SPOCK3: variants seen among roughly 807,000 people sequenced by gnomAD.
The protein encoded by SPOCK3 is SPARC (osteonectin), cwcv and kazal like domains proteoglycan 3.
In SPOCK3, 30 loss-of-function variants were observed where a neutral mutation model predicts 56.6. The ratio of observed to expected loss-of-function variants is 0.53; its 90% CI spans 0.40 to 0.72. The LOEUF is 0.72. SPOCK3 is among the 30% of genes least tolerant of loss of function. SPOCK3 has a pLI of 0.00. For synonymous variants in SPOCK3, 196 were observed against 183.3 expected (o/e 1.07, Z -0.56); for missense variants, 527 against 530.0 (o/e 0.99, Z 0.06).
chr4:167,150,919 A>G (rs1390460600), intron 2 of SPOCK3, among the ~76,000 whole-genome samples: 1 of 152,164 alleles, frequency 6.6e-6, no homozygotes, highest in Non-Finnish European at 1.5e-5. Context: ...AATGATAAGC[A>G]TGTCCTTTAT....
intron 8 of SPOCK3, among the ~76,000 whole-genome samples, chr4:166,750,974 C>T (rs3828018): frequency 0.33 from 49,676 of 151,912 alleles, 8,324 homozygotes; most frequent in Admixed American, 0.41. Flanking sequence ...TACTGCACAA[C>T]TCCAACAGGG....
chr4:166,775,538 C>T (rs1448768393), intron 7 of SPOCK3, among the ~76,000 whole-genome samples: 4 of 152,074 alleles, frequency 2.6e-5, no homozygotes, highest in Admixed American at 6.6e-5. Flanking sequence ...GGCATCAAAG[C>T]TAGAAGTATA....
intron 6 of SPOCK3, among the ~76,000 whole-genome samples, chr4:166,812,293 C>A (rs1297410360): frequency 1.3e-5 from 2 of 151,850 alleles, no homozygotes; most frequent in African/African-American, 4.8e-5. Context: ...ATTTGACTTA[C>A]TTTCAGCTAG....
intron 2 of SPOCK3, among the ~76,000 whole-genome samples, chr4:167,226,373 G>T (rs10517927): frequency 0.27 from 40,472 of 151,902 alleles, 6,669 homozygotes; most frequent in East Asian, 0.42. Flanking sequence ...GTCCATCATG[G>T]CTAAGAGGAT....
intron 9 of SPOCK3, among the ~76,000 whole-genome samples, chr4:166,738,581 T>C (rs1383352450): frequency 6.7e-6 from 1 of 149,350 alleles, no homozygotes; most frequent in Non-Finnish European, 1.5e-5. Context: ...AACTCGTCAC[T>C]TAGCATTAGG....
intron 5 of SPOCK3, among the ~76,000 whole-genome samples, chr4:166,896,816 T>A (rs1191719479): frequency 1.3e-5 from 2 of 152,202 alleles, no homozygotes; most frequent in Non-Finnish European, 2.9e-5. Context: ...CCTTCCTCTG[T>A]AGTATAAAAA....
Position 167,063,020 on chromosome 4 carries a change from T to C in SPOCK3, c.190-483A>G, listed in dbSNP as rs1755759963. 2.0e-5 allele frequency among the ~76,000 whole-genome samples: 3 copies of C among 151,996 alleles called. No homozygotes were observed. The Middle Eastern group carries it at 0.01, about 517-fold the overall frequency. ...TAGCAGGGAAAATACCAAGTGATTC[T>C]GCAGTGGCCCATGGAGTGTAAATAT... On this transcript the variant is annotated intron_variant, in intron 2 of 10. Transcript: ENST00000357545.
chr4:166,890,796 C>T (rs1233359365), intron 5 of SPOCK3, among the ~76,000 whole-genome samples: 1 of 151,810 alleles, frequency 6.6e-6, no homozygotes, highest in Non-Finnish European at 1.5e-5. Context: ...GAGTTCAAGT[C>T]CTGAATATCC....
intron 4 of SPOCK3, among the ~76,000 whole-genome samples, chr4:166,925,043 G>A (rs376341633): frequency 6.6e-6 from 1 of 152,124 alleles, no homozygotes; most frequent in Non-Finnish European, 1.5e-5. Context: ...TCCCACAAAT[G>A]TCAGTGGATA....
intron 4 of SPOCK3, among the ~76,000 whole-genome samples, chr4:166,931,183 T>A (rs1348631792): frequency 6.6e-5 from 10 of 152,162 alleles, no homozygotes; most frequent in African/African-American, 2.4e-4. Context: ...GGTTTCACCA[T>A]GTTGGCCAGG....
chr4:167,152,078 G>A (rs1296735762), intron 2 of SPOCK3, among the ~76,000 whole-genome samples: 1 of 152,072 alleles, frequency 6.6e-6, no homozygotes, highest in East Asian at 1.9e-4. Context: ...TTAATAAAGA[G>A]AAACAACAAC....
At position 166,824,195 on chromosome 4, in the gene SPOCK3, C is replaced by T. The variant is rs1716811327; in HGVS notation, c.590-31906G>A. On this transcript the variant is annotated intron_variant, in intron 6 of 10. Transcript: ENST00000357545. ...CTTATGCAACCTGTTCAATTGCTAC[C>T]CAATAAAGCTTGTTTGTTACTAACT... Among the ~76,000 whole-genome samples the T allele has an allele frequency of 2.0e-5, 3 of 152,140 alleles. No homozygotes were observed. In the South Asian group the frequency reaches 6.2e-4, roughly 32 times the overall value.
At chr4:167,026,086 G>T (rs2150171390) in intron 3 of SPOCK3, among the ~76,000 whole-genome samples, 1 of 152,176 alleles carries the variant, frequency 6.6e-6, no homozygotes, top group Non-Finnish European at 1.5e-5. Flanking sequence ...GACATTTTCA[G>T]CTCCATTGTT....
chr4:166,753,318 A>T (rs1469788276), intron 8 of SPOCK3, among the ~76,000 whole-genome samples: 1 of 152,098 alleles, frequency 6.6e-6, no homozygotes, highest in African/African-American at 2.4e-5. Flanking sequence ...TTAAATGCAC[A>T]CTTGTCATTA....
chr4:167,222,650 T>C (rs1736074861), intron 2 of SPOCK3, among the ~76,000 whole-genome samples: 1 of 138,416 alleles, frequency 7.2e-6, no homozygotes, highest in African/African-American at 2.7e-5. Flanking sequence ...TATATATTCA[T>C]ATATAAATAT....
At chr4:166,909,705 A>G (rs2127088134) in intron 5 of SPOCK3, among the ~76,000 whole-genome samples, 1 of 152,260 alleles carries the variant, frequency 6.6e-6, no homozygotes, top group East Asian at 1.9e-4. Flanking sequence ...TAAAACTTCA[A>G]GCAAGGAGCT....
At chr4:167,043,203 A>G (rs965685380) in intron 3 of SPOCK3, among the ~76,000 whole-genome samples, 2 of 152,050 alleles carry the variant, frequency 1.3e-5, no homozygotes, top group African/African-American at 4.8e-5. Flanking sequence ...ATATTTGGTT[A>G]GATTTATACC....
At chr4:166,938,550 T>TA (rs1339822214) in intron 4 of SPOCK3, among the ~76,000 whole-genome samples, 1 of 151,896 alleles carries the variant, frequency 6.6e-6, no homozygotes, top group Non-Finnish European at 1.5e-5. Flanking sequence ...GAATTCATGA[T>TA]AAAAATGTGA....
At chr4:167,094,510 GA>G (rs573751720) in intron 2 of SPOCK3, among the ~76,000 whole-genome samples, 62 of 151,770 alleles carry the variant, frequency 4.1e-4, no homozygotes, top group Non-Finnish European at 7.7e-4. Context: ...AAAGTAAAGA[GA>G]AAAAAATCTA....
Sources: gnomAD v4.1 joint callset for allele counts (sites outside exome capture counted in the v4.1 genomes callset) on GRCh38, gnomAD v4.1.1 for gene constraint, MANE v1.5 for transcripts, NCBI Gene and HGNC (gene_info 2026-07-23, HGNC 2026-07-21) for gene names.